The following DPP10 variants were observed in gnomAD, a reference collection of about 807,000 sequenced individuals.
DPP10 encodes inactive dipeptidyl peptidase 10.
A neutral mutation model predicts 120.9 loss-of-function variants in DPP10; 33 were observed. The ratio of observed to expected loss-of-function variants is 0.27; its 90% CI spans 0.21 to 0.37. The LOEUF is 0.37. Among genes scored for constraint, DPP10 ranks in the 10% least tolerant of loss-of-function variants. The pLI is 1.00. For missense variants in DPP10, 816 were observed against 942.8 expected (o/e 0.87, Z 1.76); for synonymous variants, 337 against 326.1 (o/e 1.03, Z -0.36).
At chr2:114,762,464 A>T (rs1352478673) in intron 1 of DPP10, among the ~76,000 whole-genome samples, 1 of 152,240 alleles carries the variant, frequency 6.6e-6, no homozygotes, top group East Asian at 1.9e-4. Flanking sequence ...TAAGTAATAA[A>T]AAAGAACTCA....
intron 4 of DPP10, among the ~76,000 whole-genome samples, chr2:115,506,991 A>G (rs1412567705): frequency 6.6e-6 from 1 of 151,682 alleles, no homozygotes; most frequent in Non-Finnish European, 1.5e-5. Context: ...TGCCTCGTGA[A>G]CAAAGGATAA....
At chr2:115,286,512 TAATATATATATATA>T (rs2060392351) in intron 1 of DPP10, among the ~76,000 whole-genome samples, 2 of 27,390 alleles carry the variant, frequency 7.3e-5, no homozygotes, top group Non-Finnish European at 9.4e-5. Context: ...ATTACATATA[TAATATATATATATA>T]ATATATATAT....
intron 1 of DPP10, among the ~76,000 whole-genome samples, chr2:114,561,206 T>C (rs894778763): frequency 1.7e-4 from 26 of 152,208 alleles, no homozygotes; most frequent in African/African-American, 6.0e-4. Context: ...TCCAAATAGA[T>C]TACTAGTTCA....
intron 1 of DPP10, among the ~76,000 whole-genome samples, chr2:115,229,730 C>A: frequency 6.7e-6 from 1 of 150,030 alleles, no homozygotes; most frequent in Non-Finnish European, 1.5e-5. Flanking sequence ...CTATTCTATT[C>A]TATTCTATTC....
intron 1 of DPP10, among the ~76,000 whole-genome samples, chr2:115,020,959 A>G (rs1046811396): frequency 2.8e-4 from 42 of 152,038 alleles, no homozygotes; most frequent in Non-Finnish European, 8.8e-5. Flanking sequence ...ATTTAAAAAA[A>G]TTTGAACTGA....
intron 5 of DPP10, among the ~76,000 whole-genome samples, chr2:115,545,725 A>G (rs1366309032): frequency 1.3e-5 from 2 of 152,138 alleles, no homozygotes; most frequent in Non-Finnish European, 2.9e-5. Context: ...AAGGGCTCAT[A>G]AATCCTCAAA....
At chr2:115,380,105 C>G (rs1451940484) in intron 3 of DPP10, among the ~76,000 whole-genome samples, 1 of 152,048 alleles carries the variant, frequency 6.6e-6, no homozygotes, top group Non-Finnish European at 1.5e-5. Context: ...CCTTGGTATC[C>G]TTGTTGACTT....
At chr2:114,695,147 G>C (rs1699995584) in intron 1 of DPP10, among the ~76,000 whole-genome samples, 1 of 151,976 alleles carries the variant, frequency 6.6e-6, no homozygotes, top group African/African-American at 2.4e-5. Flanking sequence ...GAATTAAAGT[G>C]GATAGGATCA....
intron 1 of DPP10, among the ~76,000 whole-genome samples, chr2:114,715,257 T>C (rs1389902548): frequency 1.3e-5 from 2 of 152,194 alleles, no homozygotes; most frequent in East Asian, 3.8e-4. Flanking sequence ...AAATTCTCAT[T>C]AATTCAATTT....
At chr2:115,590,814 T>A (rs1176559837) in intron 5 of DPP10, among the ~76,000 whole-genome samples, 4 of 152,154 alleles carry the variant, frequency 2.6e-5, no homozygotes, top group Non-Finnish European at 5.9e-5. Context: ...TTTCTCCACA[T>A]CCTCTCCAGC....
At chr2:115,256,241 A>G (rs1174900289) in intron 1 of DPP10, among the ~76,000 whole-genome samples, 1 of 151,582 alleles carries the variant, frequency 6.6e-6, no homozygotes, top group African/African-American at 2.4e-5. Context: ...GGGAAAAGCC[A>G]TTTATAAAAT....
At chr2:114,738,362 G>A (rs1236742775) in intron 1 of DPP10, among the ~76,000 whole-genome samples, 1 of 152,198 alleles carries the variant, frequency 6.6e-6, no homozygotes, top group Non-Finnish European at 1.5e-5. Flanking sequence ...GGATTTCAGG[G>A]AGCCTGAGTG....
intron 3 of DPP10, among the ~76,000 whole-genome samples, chr2:115,453,405 T>C (rs1173460989): frequency 6.6e-6 from 1 of 151,608 alleles, no homozygotes; most frequent in Non-Finnish European, 1.5e-5. Context: ...TTTTGCAAAG[T>C]CTATGTCACT....
At chr2:114,986,502 G>A (rs1264972292) in intron 1 of DPP10, among the ~76,000 whole-genome samples, 1 of 152,098 alleles carries the variant, frequency 6.6e-6, no homozygotes, top group African/African-American at 2.4e-5. Context: ...AACTATGTAG[G>A]GAGTGTAAGA....
intron 1 of DPP10, among the ~76,000 whole-genome samples, chr2:115,239,031 C>T (rs1026738237): frequency 2.6e-5 from 4 of 152,070 alleles, no homozygotes; most frequent in African/African-American, 9.7e-5. Context: ...GCCAATCTAG[C>T]CTTTTTATGT....
chr2:115,191,510 G>A (rs1039513685), intron 1 of DPP10, among the ~76,000 whole-genome samples: 4 of 152,356 alleles, frequency 2.6e-5, no homozygotes, highest in Non-Finnish European at 4.4e-5. Flanking sequence ...ACGTGGTTAC[G>A]TTAATAAGTA....
chr2:114,615,732 A>C (rs1397640378), intron 1 of DPP10, among the ~76,000 whole-genome samples: 1 of 152,162 alleles, frequency 6.6e-6, no homozygotes, highest in East Asian at 1.9e-4. Flanking sequence ...AGATAATTGT[A>C]CTTGTAGGGA....
At chr2:114,906,831 G>A (rs778279553) in intron 1 of DPP10, among the ~76,000 whole-genome samples, 2 of 152,040 alleles carry the variant, frequency 1.3e-5, no homozygotes, top group Non-Finnish European at 2.9e-5. Flanking sequence ...GTGCTTTTGT[G>A]TTGTTTGGTG....
At chr2:115,333,688 G>A (rs961144423) in intron 2 of DPP10, among the ~76,000 whole-genome samples, 4 of 151,876 alleles carry the variant, frequency 2.6e-5, no homozygotes, top group African/African-American at 7.3e-5. Context: ...TATGAAGCTT[G>A]GTTTGGCTGG....
Sources: allele counts gnomAD v4.1 joint callset (sites outside exome capture counted in the v4.1 genomes callset), GRCh38; gene constraint gnomAD v4.1.1; transcripts MANE v1.5; gene names NCBI Gene and HGNC (gene_info 2026-07-23, HGNC 2026-07-21).